Variants in MANBA observed in about 807,000 individuals in gnomAD.
MANBA encodes mannosidase beta.
Under a neutral mutation model 111.1 loss-of-function variants are expected in MANBA, and 83 were observed. That is an observed-to-expected ratio of 0.75 (90% CI 0.63 to 0.90). The LOEUF (loss-of-function observed/expected upper bound fraction) is 0.90. Ranked by LOEUF, MANBA falls within the 40% of genes least tolerant of loss-of-function variation. The pLI, the probability that MANBA is intolerant of heterozygous loss-of-function variation, is 0.00. For missense variants in MANBA, 1,036 were observed against 1,069.0 expected, an observed-to-expected ratio of 0.97 and a Z score of 0.43; for synonymous variants, 370 against 378.7, an observed-to-expected ratio of 0.98 and a Z score of 0.27.
intron 5 of MANBA, among the ~76,000 whole-genome samples, chr4:102,702,741 T>C (rs1453526104): frequency 1.3e-5 from 2 of 152,102 alleles, no homozygotes; most frequent in Admixed American, 6.5e-5. Context: ...TTTAAATGTT[T>C]AATAGCCTTC....
At chr4:102,713,063 C>T (rs223505) in intron 5 of MANBA, among the ~76,000 whole-genome samples, 53,214 of 152,010 alleles carry the variant, frequency 0.35, 9,487 homozygotes, top group African/African-American at 0.4. Context: ...TTTAAAAATA[C>T]CAACAGCACC....
intron 2 of MANBA, 31 bp downstream of exon 2, chr4:102,726,558 A>G (rs1722811894): frequency 8.8e-7 from 1 of 1,139,918 alleles, no homozygotes; most frequent in Non-Finnish European, 1.3e-6. Flanking sequence ...AGTTCAAATA[A>G]TAATAAAAAT....
chr4:102,730,791 G>A (rs747630829), intron 1 of MANBA: 7 of 439,428 alleles, frequency 1.6e-5, no homozygotes, highest in Admixed American at 8.0e-5. Flanking sequence ...GGTTTAGCTT[G>A]TTAATTTCCT....
chr4:102,650,444 G>T, intron 13 of MANBA, 93 bp downstream of exon 13: 1 of 1,288,460 alleles, frequency 7.8e-7, no homozygotes. Flanking sequence ...ATGAAAACCT[G>T]AATATTTTTC....
chr4:102,695,020 T>C (rs1732643302), intron 5 of MANBA, among the ~76,000 whole-genome samples: 1 of 152,018 alleles, frequency 6.6e-6, no homozygotes, highest in Non-Finnish European at 1.5e-5. Context: ...GAGTGTTCTT[T>C]AAAAAAAGAA....
intron 5 of MANBA, among the ~76,000 whole-genome samples, chr4:102,702,865 A>G (rs1255389301): frequency 6.6e-6 from 1 of 152,220 alleles, no homozygotes; most frequent in African/African-American, 2.4e-5. Context: ...CAAAGATGAC[A>G]GTATCTCTTT....
At chr4:102,743,143 C>T (rs1294468126) in intron 1 of MANBA, among the ~76,000 whole-genome samples, 1 of 152,236 alleles carries the variant, frequency 6.6e-6, no homozygotes, top group Non-Finnish European at 1.5e-5. Context: ...GGTGAGTACT[C>T]ACATGGGATA....
intron 5 of MANBA, among the ~76,000 whole-genome samples, chr4:102,699,096 G>C (rs1241380614): frequency 6.6e-6 from 1 of 151,972 alleles, no homozygotes; most frequent in East Asian, 1.9e-4. Context: ...TGGATTCCTA[G>C]GTATTTTATT....
chr4:102,714,026 T>C (rs223504), intron 5 of MANBA, among the ~76,000 whole-genome samples: 66,054 of 151,772 alleles, frequency 0.44, 15,939 homozygotes, highest in African/African-American at 0.65. Context: ...AGTAGTGCTC[T>C]GGGTTATGAA....
At chr4:102,688,385 T>TAACACACA in intron 7 of MANBA, among the ~76,000 whole-genome samples, 1 of 41,310 alleles carries the variant, frequency 2.4e-5, no homozygotes, top group Non-Finnish European at 5.6e-5. Flanking sequence ...CCCTCCCCCC[T>TAACACACA]TACACACACA....
intron 1 of MANBA, among the ~76,000 whole-genome samples, chr4:102,742,597 C>T (rs750734124): frequency 2.6e-5 from 4 of 152,154 alleles, no homozygotes; most frequent in Non-Finnish European, 4.4e-5. Context: ...CAGTGAATTC[C>T]ATGAGCACGA....
chr4:102,738,665 A>C (rs925954274), intron 1 of MANBA, among the ~76,000 whole-genome samples: 1 of 152,236 alleles, frequency 6.6e-6, no homozygotes, highest in Non-Finnish European at 1.5e-5. Flanking sequence ...AACCAGTTAA[A>C]GTAATTCTGG....
At chr4:102,740,691 G>A (rs1464828170) in intron 1 of MANBA, among the ~76,000 whole-genome samples, 1 of 152,086 alleles carries the variant, frequency 6.6e-6, no homozygotes, top group Non-Finnish European at 1.5e-5. Context: ...AAAATAAAGT[G>A]AGGAAAGGAC....
chr4:102,725,261 A>C (rs1722749311), intron 2 of MANBA, among the ~76,000 whole-genome samples: 1 of 152,202 alleles, frequency 6.6e-6, no homozygotes, highest in Admixed American at 6.5e-5. Flanking sequence ...TTATATATCA[A>C]TAAAGTATTT....
intron 8 of MANBA, among the ~76,000 whole-genome samples, chr4:102,673,145 A>G (rs1044870373): frequency 2.0e-5 from 3 of 152,136 alleles, no homozygotes; most frequent in African/African-American, 7.2e-5. Flanking sequence ...CCTCCACTAC[A>G]CACGAGATTT....
intron 1 of MANBA, chr4:102,730,636 T>A: frequency 1.8e-6 from 1 of 541,426 alleles, no homozygotes; most frequent in Non-Finnish European, 3.7e-6. Flanking sequence ...TGAGGCCGCC[T>A]CCAGCTCAGT....
intron 5 of MANBA, among the ~76,000 whole-genome samples, chr4:102,699,682 C>T (rs1732921325): frequency 6.6e-6 from 1 of 150,452 alleles, no homozygotes; most frequent in African/African-American, 2.5e-5. Context: ...ATATATTGAA[C>T]CAGCCTTGCA....
chr4:102,647,745 A>G (rs1730163986), intron 13 of MANBA, among the ~76,000 whole-genome samples: 1 of 152,064 alleles, frequency 6.6e-6, no homozygotes, highest in Non-Finnish European at 1.5e-5. Flanking sequence ...AAACTTTCCT[A>G]ACCTATAAGA....
chr4:102,674,259 C>T (rs111603462), intron 7 of MANBA, among the ~76,000 whole-genome samples, 189 bp from the exon 8 acceptor site: 19 of 152,038 alleles, frequency 1.2e-4, no homozygotes, highest in African/African-American at 2.9e-4. Flanking sequence ...TGCTAGCATC[C>T]GTTATTTCTC....
Sources: gnomAD v4.1 joint callset for allele counts (sites outside exome capture counted in the v4.1 genomes callset) on GRCh38, gnomAD v4.1.1 for gene constraint, MANE v1.5 for transcripts, NCBI Gene and HGNC (gene_info 2026-07-23, HGNC 2026-07-21) for gene names.